Variants in PEX13 observed in about 807,000 individuals in gnomAD.
The protein encoded by PEX13 is peroxisome biogenesis factor 13.
Under a neutral mutation model 34.5 loss-of-function variants are expected in PEX13, and 28 were observed. That is an observed-to-expected ratio of 0.81 (90% CI 0.60 to 1.11). The LOEUF is 1.11. PEX13 is among the 50% of genes most tolerant of loss of function. The pLI, the probability that PEX13 is intolerant of heterozygous loss-of-function variation, is 0.00. For missense variants in PEX13, 550 were observed against 491.0 expected (o/e 1.12, Z -1.13); for synonymous variants, 177 against 175.1 (o/e 1.01, Z -0.09).
At chr2:61,024,465 C>T (rs1656342052) in intron 1 of PEX13, among the ~76,000 whole-genome samples, 1 of 152,190 alleles carries the variant, frequency 6.6e-6, no homozygotes. Context: ...CTTCCCATCT[C>T]TTTCCTAGTT....
intron 2 of PEX13, among the ~76,000 whole-genome samples, chr2:61,038,731 A>C (rs994364967): frequency 1.3e-5 from 2 of 152,232 alleles, no homozygotes; most frequent in Non-Finnish European, 2.9e-5. Context: ...CTCCTATTCA[A>C]CATGGTGTTA....
rs1441001370 is a variant in PEX13 at position 61,050,478 on chromosome 2, CCCCA to C, written c.*1709_*1712del. 6.6e-6 allele frequency: 1 copy of C among 152,276 alleles called. No homozygotes were observed. Among genetic ancestry groups the C allele is most frequent in the Non-Finnish European group, 1.5e-5 (1 of 68,028 alleles). The allele number at this position is 152,276 out of a possible 1,614,324, so 9.4% of individuals were successfully genotyped here. On this transcript the variant is annotated 3_prime_UTR_variant, in exon 4 of 4. Coordinates refer to ENST00000295030, the MANE Select transcript of PEX13 (RefSeq NM_002618.4). Reference sequence around the variant, plus strand: ...TTAACTTTCAGTACACTGAATATTTCCCCAGAAAATTGGAAACTTCATATACTTG... The same window carrying C: ...TTAACTTTCAGTACACTGAATATTTCGAAAATTGGAAACTTCATATACTTG...
chr2:61,044,093 G>T (rs1482149265), intron 2 of PEX13, among the ~76,000 whole-genome samples: 1 of 152,018 alleles, frequency 6.6e-6, no homozygotes, highest in Non-Finnish European at 1.5e-5. Context: ...AGTACTAGAA[G>T]TACACACCAC....
chr2:61,045,514 C>T (rs1003941469), intron 2 of PEX13, among the ~76,000 whole-genome samples: 5 of 152,016 alleles, frequency 3.3e-5, no homozygotes, highest in African/African-American at 9.7e-5. Context: ...GGTAAGAGAG[C>T]GGGAAGTTGG....
chr2:61,022,301 C>G (rs1375861578), intron 1 of PEX13, among the ~76,000 whole-genome samples: 1 of 152,170 alleles, frequency 6.6e-6, no homozygotes, highest in African/African-American at 2.4e-5. Context: ...AGATGAATGG[C>G]TTACTAGAAT....
chr2:61,031,323 G>C, intron 1 of PEX13, 96 bp from the exon 2 acceptor site: 1 of 886,206 alleles, frequency 1.1e-6, no homozygotes, highest in South Asian at 1.4e-5. Context: ...AGTAGAATTT[G>C]TCATAGCACC....
chr2:61,045,743 A>G lies in PEX13; in HGVS notation c.805A>G (p.Ser269Gly), dbSNP rs1334899450. 1.2e-6 allele frequency: 2 copies of G among 1,613,462 alleles called. No individual in the cohort carries two copies. The highest frequency in any genetic ancestry group is 1.7e-6 in the Non-Finnish European group (2 of 1,179,408). Residue 269 changes from serine (S) to glycine (G), a missense_variant, in exon 3 of 4, where the codon AGT (serine) becomes GGT (glycine). Coordinates refer to ENST00000295030, the MANE Select transcript of PEX13 (RefSeq NM_002618.4). ...GCTTATAGACAGCATCAACTGGGCA[A>G]GTGGTGAGGATGACCATGTAGTTGC... Reference protein sequence around the residue: ...DEVTDSINWASGEDDHVVARA... With the variant: ...DEVTDSINWAGGEDDHVVARA...
chr2:61,036,112 C>T (rs1291117735), intron 2 of PEX13, among the ~76,000 whole-genome samples: 2 of 152,076 alleles, frequency 1.3e-5, no homozygotes, highest in South Asian at 2.1e-4. Flanking sequence ...AACAAAGCCT[C>T]CAAGAAATAC....
intron 2 of PEX13, among the ~76,000 whole-genome samples, chr2:61,042,207 C>T (rs934765211): frequency 6.6e-6 from 1 of 152,164 alleles, no homozygotes; most frequent in Non-Finnish European, 1.5e-5. Context: ...CACAGCCACA[C>T]TTATTTCCAT....
At chr2:61,032,543 C>T (rs1680469974) in intron 2 of PEX13, among the ~76,000 whole-genome samples, 1 of 152,144 alleles carries the variant, frequency 6.6e-6, no homozygotes, top group Non-Finnish European at 1.5e-5. Flanking sequence ...TGTTTTATCT[C>T]ATTTAATTAT....
At position 61,051,340 on chromosome 2, in the gene PEX13, T is replaced by C. The variant is rs1191752893; in HGVS notation, c.*2570T>C. On this transcript the variant is annotated 3_prime_UTR_variant, in exon 4 of 4. Transcript: ENST00000295030. ...TTGGGGTTGAGATGTCTAAATTGAATGCTAGAAGTAAAGTAGAAGTGACCA... is the reference window on the plus strand; with the variant it reads ...TTGGGGTTGAGATGTCTAAATTGAACGCTAGAAGTAAAGTAGAAGTGACCA... 1 of 152,382 alleles carries C rather than the reference T, an allele frequency of 6.6e-6. No individual in the cohort carries two copies. The highest frequency in any genetic ancestry group is 1.5e-5 in the Non-Finnish European group (1 of 68,042). 9.4% of individuals were successfully genotyped at this position (152,382 alleles called of 1,614,324 possible).
Position 61,048,607 on chromosome 2 carries a change from A to G in PEX13, c.1049A>G (p.Lys350Arg), listed in dbSNP as rs1052212655. 1.2e-6 allele frequency: 2 copies of G among 1,614,154 alleles called. No individual in the cohort carries two copies. The highest frequency in any genetic ancestry group is 1.6e-4 in the Middle Eastern group (1 of 6,062). The change falls in exon 4 of 4, where the codon AAG (lysine) becomes AGG (arginine). Residue 350 changes from lysine (K) to arginine (R), a missense_variant. By Grantham distance (26) the Lys-to-Arg change is conservative. Coordinates refer to ENST00000295030, the MANE Select transcript of PEX13 (RefSeq NM_002618.4). Reference sequence around the variant, plus strand: ...ACGGTGGAATCAAGTAAAGTTTCCAAGCAGCAACAATCTTTTACCAACCCA... The same window carrying G: ...ACGGTGGAATCAAGTAAAGTTTCCAGGCAGCAACAATCTTTTACCAACCCA... ...RKTVESSKVSKQQQSFTNPTL... is the reference protein window; with the variant it reads ...RKTVESSKVSRQQQSFTNPTL...
chr2:61,033,197 C>T (rs1458927228), intron 2 of PEX13, among the ~76,000 whole-genome samples: 1 of 152,072 alleles, frequency 6.6e-6, no homozygotes, highest in Non-Finnish European at 1.5e-5. Context: ...TACTGTCTAA[C>T]CTGCTTGACA....
At chr2:61,034,179 T>G (rs1386287111) in intron 2 of PEX13, among the ~76,000 whole-genome samples, 1 of 152,112 alleles carries the variant, frequency 6.6e-6, no homozygotes, top group Non-Finnish European at 1.5e-5. Flanking sequence ...TGTATTTTAG[T>G]AGAGACGGGG....
chr2:61,031,799 T>A lies in PEX13; in HGVS notation c.473T>A (p.Phe158Tyr). ...DATFSAVYNS[F>Y]RAVLDVANHF... ...ACCTTTTCAGCTGTCTATAACAGTT[T>A]CAGGGCTGTATTGGATGTAGCAAAT... Residue 158 changes from phenylalanine (F) to tyrosine (Y), a missense_variant, in exon 2 of 4, where the codon TTC becomes TAC. Transcript: ENST00000295030. 3.7e-6 allele frequency: 6 copies of A among 1,613,700 alleles called. No homozygotes were observed. The highest frequency in any genetic ancestry group is 5.1e-6 in the Non-Finnish European group (6 of 1,179,564).
At chr2:61,019,028 C>G (rs1369310215) in intron 1 of PEX13, 1 of 152,248 alleles carries the variant, frequency 6.6e-6, no homozygotes, top group Non-Finnish European at 1.5e-5. Context: ...ATTTGCCAGA[C>G]TTATGTCGAA....
chr2:61,024,725 T>A (rs1308937640), intron 1 of PEX13, among the ~76,000 whole-genome samples: 1 of 152,034 alleles, frequency 6.6e-6, no homozygotes, highest in Non-Finnish European at 1.5e-5. Context: ...CGGAGAATGG[T>A]ATGAACCCAG....
chr2:61,027,432 T>G (rs537190645), intron 1 of PEX13, among the ~76,000 whole-genome samples: 4 of 152,268 alleles, frequency 2.6e-5, no homozygotes, highest in Admixed American at 2.6e-4. Flanking sequence ...TTTCATTTCC[T>G]GGGCTGGAGG....
rs758592813 is a variant in PEX13, at chr2:61,032,092, A to G, written c.766A>G (p.Thr256Ala). Residue 256 changes from threonine to alanine, a missense_variant, in exon 2 of 4, where the codon ACT (threonine) becomes GCT (alanine). By Grantham distance (58) the Thr-to-Ala change is moderately conservative. Transcript: ENST00000295030. ...GPYLIWKLLSTHSDEVTDSIN... is the reference protein window; with the variant it reads ...GPYLIWKLLSAHSDEVTDSIN... The stretch of plus-strand genomic sequence containing the variant: ...TTACCTCATTTGGAAACTATTGTCT[A>G]CTCACAGTGATGAAGTAACAGGTAA... 1.9e-6 allele frequency: 3 copies of G among 1,612,898 alleles called. No individual in the cohort carries two copies. The highest frequency in any genetic ancestry group is 2.5e-6 in the Non-Finnish European group (3 of 1,179,018).
Sources: allele counts gnomAD v4.1 joint callset (sites outside exome capture counted in the v4.1 genomes callset), GRCh38; gene constraint gnomAD v4.1.1; transcripts MANE v1.5; gene names NCBI Gene and HGNC (gene_info 2026-07-23, HGNC 2026-07-21).